The following MMP28 variants were observed in gnomAD, a reference collection of about 807,000 sequenced individuals.
MMP28 encodes matrix metallopeptidase 28.
MMP28 carries 55 observed loss-of-function variants against 60.5 expected under a neutral mutation model. The ratio of observed to expected loss-of-function variants is 0.91; its 90% CI spans 0.73 to 1.14. The LOEUF (loss-of-function observed/expected upper bound fraction) is 1.14, where lower values mean the gene tolerates loss of function less well. Ranked by LOEUF, MMP28 falls within the 50% of genes most tolerant of loss-of-function variation. The pLI is 0.00. For synonymous variants in MMP28, 318 were observed against 312.5 expected (o/e 1.02, Z -0.18); for missense variants, 686 against 738.3 (o/e 0.93, Z 0.82).
At chr17:35,762,131 C>T (rs185234693), downstream of MMP28, among the ~76,000 whole-genome samples, 56 of 152,238 alleles carry the variant, frequency 3.7e-4, no homozygotes, top group African/African-American at 1.2e-3. Flanking sequence ...GCTGGGATTA[C>T]AGGCATGCAC....
intron 6 of MMP28, 106 bp from the exon 7 acceptor site, chr17:35,768,025 G>T: frequency 7.2e-7 from 1 of 1,379,594 alleles, no homozygotes; most frequent in Non-Finnish European, 9.8e-7. Flanking sequence ...CAAGCATAGG[G>T]TATGGTGTGT....
chr17:35,778,795 G>A (rs2086406772), intron 3 of MMP28, 93 bp downstream of exon 3: 5 of 1,607,766 alleles, frequency 3.1e-6, no homozygotes, highest in Non-Finnish European at 3.4e-6. Flanking sequence ...AGAGGTTACT[G>A]ACAAAGTCCA....
intron 1 of MMP28, among the ~76,000 whole-genome samples, chr17:35,781,962 C>G (rs1386874226): frequency 6.6e-6 from 1 of 152,000 alleles, no homozygotes; most frequent in African/African-American, 2.4e-5. Flanking sequence ...GCCTCAAACT[C>G]CTGGACTCAG....
At chr17:35,784,541 T>C (rs34277067) in intron 1 of MMP28, among the ~76,000 whole-genome samples, 3,929 of 152,176 alleles carry the variant, frequency 0.026, 155 homozygotes, top group African/African-American at 0.09. Flanking sequence ...TGAGGCATTT[T>C]TCATGCCTCA....
chr17:35,767,697 CA>C (rs2085987635), intron 7 of MMP28, 54 bp downstream of exon 7: 7 of 1,542,414 alleles, frequency 4.5e-6, no homozygotes, highest in Non-Finnish European at 6.1e-6. Flanking sequence ...TGACCTTGGG[CA>C]GGACACCTTC....
At chr17:35,757,810 A>T (rs1470260366) in intron 2 of MMP28, among the ~76,000 whole-genome samples, 1 of 152,012 alleles carries the variant, frequency 6.6e-6, no homozygotes, top group Non-Finnish European at 1.5e-5. Flanking sequence ...GGGTCTTGCT[A>T]TGTTGCCGAG....
At chr17:35,789,159 A>G (rs969505194) in intron 1 of MMP28, among the ~76,000 whole-genome samples, 4 of 152,204 alleles carry the variant, frequency 2.6e-5, no homozygotes, top group African/African-American at 9.6e-5. Flanking sequence ...TACACAGGGT[A>G]CAGGAATACA....
downstream of MMP28, among the ~76,000 whole-genome samples, chr17:35,761,974 G>A (rs1395104688): frequency 3.9e-5 from 6 of 152,030 alleles, no homozygotes; most frequent in African/African-American, 1.2e-4. Flanking sequence ...CAAAAGAAAC[G>A]TTTCTTTTTC....
chr17:35,774,096 GA>G, intron 3 of MMP28, among the ~76,000 whole-genome samples: 1 of 152,324 alleles, frequency 6.6e-6, no homozygotes, highest in Admixed American at 6.5e-5. Flanking sequence ...CTGACTGAGA[GA>G]AAGTTTTCCA....
chr17:35,792,650 T>C (rs2086846833), intron 1 of MMP28, among the ~76,000 whole-genome samples: 1 of 152,228 alleles, frequency 6.6e-6, no homozygotes, highest in African/African-American at 2.4e-5. Context: ...CTCTGTGCTG[T>C]CTGTTGTCCA....
downstream of MMP28, chr17:35,764,773 C>T: frequency 1.3e-6 from 1 of 798,650 alleles, no homozygotes; most frequent in South Asian, 2.1e-5. Context: ...GTCAAGAAGG[C>T]CCACTGTTGG....
chr17:35,795,428 C>G lies in MMP28; in HGVS notation c.-51G>C. 5 of 1,319,358 alleles carry G rather than the reference C, an allele frequency of 3.8e-6. No homozygotes were observed. Among genetic ancestry groups the G allele is most frequent in the Non-Finnish European group, 4.9e-6 (5 of 1,026,614 alleles). The allele number at this position is 1,319,358 out of a possible 1,614,324, so 81.7% of individuals were successfully genotyped here. On this transcript the variant is annotated 5_prime_UTR_variant, in exon 1 of 8. Transcript: ENST00000605424. Reference sequence around the variant, plus strand: ...TCGGGGAGCTACTGCGCGCAGGGAACCAGCCGGCAGTCAGCCGCGCCCGGG... The same window carrying G: ...TCGGGGAGCTACTGCGCGCAGGGAAGCAGCCGGCAGTCAGCCGCGCCCGGG...
At chr17:35,775,865 C>A (rs1555607508) in intron 3 of MMP28, among the ~76,000 whole-genome samples, 1 of 152,122 alleles carries the variant, frequency 6.6e-6, no homozygotes, top group African/African-American at 2.4e-5. Context: ...AATGAGGTTG[C>A]CAGATAAGTT....
In MMP28 at chr17:35,770,150, G is replaced by A. The variant is rs1598425675; in HGVS notation, c.767C>T (p.Ala256Val). The A allele has an allele frequency of 6.2e-7, 1 of 1,607,214 alleles. No individual in the cohort carries two copies. The highest frequency in any genetic ancestry group is 8.5e-7 in the Non-Finnish European group (1 of 1,177,818). Residue 256 changes from alanine to valine, a missense_variant, in exon 5 of 8, where the codon GCG (alanine) becomes GTG (valine). Ala to Val is a moderately conservative substitution (Grantham distance 64, BLOSUM62 0). Transcript: ENST00000605424. ...CCTCTTGTAGTAGGGCGCCATGAGC[G>A]CGCGCGGCGCGGGCGAGTGGGTGAG... The part of the protein sequence containing the change: ...LGLTHSPAPR[A>V]LMAPYYKRLG...
intron 1 of MMP28, among the ~76,000 whole-genome samples, chr17:35,787,899 C>CTTTTTTTTT (rs532350874): frequency 7.7e-5 from 8 of 104,418 alleles, no homozygotes; most frequent in East Asian, 3.3e-4. Context: ...TTTTCTTTCC[C>CTTTTTTTTT]TTTTTTTTTT....
intron 1 of MMP28, among the ~76,000 whole-genome samples, chr17:35,780,692 G>A (rs2086472389): frequency 6.6e-6 from 1 of 151,958 alleles, no homozygotes; most frequent in Non-Finnish European, 1.5e-5. Flanking sequence ...AAAATTAGCT[G>A]GGCGTGGTGG....
chr17:35,766,569 C>G lies in MMP28; in HGVS notation c.1494G>C (p.Ser498=), dbSNP rs780620658. The change falls in exon 8 of 8, where the codon TCG becomes TCC. Residue 498 remains serine (S), a synonymous_variant. Coordinates refer to ENST00000605424, the MANE Select transcript of MMP28 (RefSeq NM_024302.5). The surrounding 1 kb of genome is among the most constrained non-coding windows in gnomAD (Gnocchi z 4.3). The stretch of plus-strand genomic sequence containing the variant: ...AGGGCAGCTCGGTGGCCCAGCGGCC[C>G]GAGGTGGTTGCCTGCAGTTTGGCCT... The part of the protein sequence containing the change: ...LDQAKLQATT[S]GRWATELPWM... The G allele has an allele frequency of 5.6e-6, 9 of 1,611,432 alleles. No individual in the cohort carries two copies. Among genetic ancestry groups the G allele is most frequent in the Non-Finnish European group, 7.6e-6 (9 of 1,179,512 alleles).
At chr17:35,764,187 G>A (rs2085885080), downstream of MMP28, 1 of 1,548,006 alleles carries the variant, frequency 6.5e-7, no homozygotes, top group Non-Finnish European at 8.7e-7. Flanking sequence ...GGCCGCGAGC[G>A]GCGCTCAGTG....
chr17:35,767,782 A>G lies in MMP28; in HGVS notation c.1138T>C (p.Leu380=), dbSNP rs746883900. 18 of 1,580,638 alleles carry G rather than the reference A, an allele frequency of 1.1e-5. No homozygotes were observed. Among genetic ancestry groups the G allele is most frequent in the Admixed American group, 3.7e-5 (2 of 53,708 alleles). ...AAGAAGTAGAAATCTCCATCATTCA[A>G]TGACACTGCCGCAGCCTCAATGTTG... ...PPNIEAAAVS[L]NDGDFYFFKG... Residue 380 remains leucine, a synonymous_variant, in exon 7 of 8, where the codon TTG becomes CTG. Coordinates refer to ENST00000605424, the MANE Select transcript of MMP28 (RefSeq NM_024302.5).
Sources: allele counts gnomAD v4.1 joint callset (sites outside exome capture counted in the v4.1 genomes callset), GRCh38; gene constraint gnomAD v4.1.1; non-coding constraint Gnocchi (gnomAD v3.1); transcripts MANE v1.5; gene names NCBI Gene and HGNC (gene_info 2026-07-23, HGNC 2026-07-21).